The following CREB5 variants were observed in gnomAD, a reference collection of about 807,000 sequenced individuals.
CREB5 encodes cyclic AMP-responsive element-binding protein 5.
A neutral mutation model predicts 57.1 loss-of-function variants in CREB5; 19 were observed. The observed-to-expected ratio is 0.33, with a 90% CI of 0.23 to 0.49. The LOEUF is 0.49. CREB5 is among the 20% of genes least tolerant of loss of function. The pLI is 0.99. For missense variants in CREB5, 579 were observed against 671.6 expected, an observed-to-expected ratio of 0.86 and a Z score of 1.52; for synonymous variants, 238 against 238.3, an observed-to-expected ratio of 1.00 and a Z score of 0.01.
At chr7:28,401,355 C>G (rs1787458515) in intron 1 of CREB5, among the ~76,000 whole-genome samples, 1 of 151,634 alleles carries the variant, frequency 6.6e-6, no homozygotes, top group Non-Finnish European at 1.5e-5. Context: ...GTTCCCCAAG[C>G]TTAAACCAGG....
intron 5 of CREB5, among the ~76,000 whole-genome samples, chr7:28,658,971 A>ATATGTG (rs1562554679): frequency 1.4e-5 from 2 of 140,602 alleles, no homozygotes; most frequent in African/African-American, 5.1e-5. Context: ...ATATATATAT[A>ATATGTG]TATATATATG....
chr7:28,595,990 T>C (rs972781533), intron 5 of CREB5, among the ~76,000 whole-genome samples: 5 of 152,210 alleles, frequency 3.3e-5, no homozygotes, highest in Admixed American at 1.3e-4. Flanking sequence ...GTGCTTACCA[T>C]AGCACTCTAG....
Position 28,495,140 on chromosome 7 carries a change from A to T in CREB5, c.169+141A>T, listed in dbSNP as rs150955021. On this transcript the variant is annotated intron_variant, in intron 3 of 10. Coordinates refer to ENST00000357727, the MANE Select transcript of CREB5 (RefSeq NM_182898.4). Reference sequence around the variant, plus strand: ...ATTTCTAAGGTATAGCAGAAATATAATCAGGTAATATTCACCCAAGTGACT... The same window carrying T: ...ATTTCTAAGGTATAGCAGAAATATATTCAGGTAATATTCACCCAAGTGACT... The T allele has an allele frequency of 7.1e-4, 359 of 508,862 alleles. 1 individual carries two copies. Among genetic ancestry groups the T allele is most frequent in the South Asian group, 3.0e-3 (60 of 20,316 alleles). 31.5% of individuals were successfully genotyped at this position (508,862 alleles called of 1,614,324 possible).
At chr7:28,636,005 T>C (rs1798405239) in intron 5 of CREB5, among the ~76,000 whole-genome samples, 1 of 152,210 alleles carries the variant, frequency 6.6e-6, no homozygotes, top group East Asian at 1.9e-4. Context: ...AACCAATAAA[T>C]AGTTATTGAG....
chr7:28,493,435 C>T (rs1441631752), intron 2 of CREB5, among the ~76,000 whole-genome samples: 1 of 152,162 alleles, frequency 6.6e-6, no homozygotes, highest in Non-Finnish European at 1.5e-5. Context: ...TATTTCTATT[C>T]CCCAAGGATA....
At chr7:28,656,635 C>T (rs551054033) in intron 5 of CREB5, among the ~76,000 whole-genome samples, 1 of 152,184 alleles carries the variant, frequency 6.6e-6, no homozygotes, top group Non-Finnish European at 1.5e-5. Context: ...CAACAGTTGT[C>T]AGTCCAAGCT....
In CREB5 at chr7:28,476,282, C is replaced by T. The variant is rs1791065750; in HGVS notation, c.4-11893C>T. Among the ~76,000 whole-genome samples the T allele has an allele frequency of 2.0e-5, 3 of 152,196 alleles. No homozygotes were observed. In the South Asian group the frequency reaches 6.2e-4, roughly 31 times the overall value. On this transcript the variant is annotated intron_variant, in intron 1 of 10. Coordinates refer to ENST00000357727, the MANE Select transcript of CREB5 (RefSeq NM_182898.4). ...ATCAAGTCAGGATCTCTTTAAAGAACATTACCTTCAACATCCTTTGGAATC... is the reference window on the plus strand; with the variant it reads ...ATCAAGTCAGGATCTCTTTAAAGAATATTACCTTCAACATCCTTTGGAATC...
chr7:28,578,580 A>G (rs1225104673), intron 5 of CREB5, among the ~76,000 whole-genome samples: 1 of 152,216 alleles, frequency 6.6e-6, no homozygotes, highest in East Asian at 1.9e-4. Context: ...CATTTCAGAT[A>G]TTTGGAGCTT....
chr7:28,323,242 C>T (rs1785523468), intron 1 of CREB5, among the ~76,000 whole-genome samples: 1 of 152,206 alleles, frequency 6.6e-6, no homozygotes, highest in African/African-American at 2.4e-5. Context: ...GAGAAAAACC[C>T]ACAACTGTGC....
intron 5 of CREB5, among the ~76,000 whole-genome samples, chr7:28,666,216 A>G (rs1462746424): frequency 6.6e-6 from 1 of 152,194 alleles, no homozygotes; most frequent in Non-Finnish European, 1.5e-5. Flanking sequence ...CAGCAACACC[A>G]TTCAAGCTAC....
At chr7:28,373,191 A>C (rs927185364) in intron 1 of CREB5, among the ~76,000 whole-genome samples, 4 of 152,152 alleles carry the variant, frequency 2.6e-5, no homozygotes, top group Non-Finnish European at 5.9e-5. Flanking sequence ...GTCCCTCCTG[A>C]CTGGACATCA....
In CREB5 at chr7:28,755,191, C is replaced by G. The variant is rs191063866; in HGVS notation, c.702+30859C>G. On this transcript the variant is annotated intron_variant, in intron 7 of 10. Transcript: ENST00000357727. ...TAGAAGTTCAGGGAAGGACCTGCTA[C>G]TGGATCTGGAAGACTTGGAGAAAAT... Among the ~76,000 whole-genome samples, 38 of 152,274 alleles carry G rather than the reference C, an allele frequency of 2.5e-4. No homozygotes were observed. The East Asian group carries it at 6.2e-3, about 25-fold the overall frequency.
intron 1 of CREB5, among the ~76,000 whole-genome samples, chr7:28,347,781 A>C (rs544180546): frequency 2.0e-5 from 3 of 152,308 alleles, no homozygotes; most frequent in African/African-American, 7.2e-5. Flanking sequence ...GAAAAGATTC[A>C]GCTGTAGCAG....
chr7:28,710,171 T>G (rs986808826), intron 5 of CREB5, among the ~76,000 whole-genome samples: 1 of 152,202 alleles, frequency 6.6e-6, no homozygotes, highest in African/African-American at 2.4e-5. Context: ...ACATTACCTT[T>G]TATGCTTTTC....
intron 7 of CREB5, among the ~76,000 whole-genome samples, chr7:28,738,319 C>T (rs1475232175): frequency 6.6e-6 from 1 of 152,108 alleles, no homozygotes; most frequent in Admixed American, 6.6e-5. Context: ...TTCCCTTATG[C>T]TTTGCAAGTG....
chr7:28,537,959 C>T (rs216727), intron 4 of CREB5, among the ~76,000 whole-genome samples: 138,635 of 152,306 alleles, frequency 0.91, 63,272 homozygotes, highest in African/African-American at 0.97. Flanking sequence ...TCAAGGGAAA[C>T]GTCAATTACA....
In CREB5 at chr7:28,561,009, T is replaced by TGTGCGCGTGC. The variant is rs1562798521; in HGVS notation, c.292-9353_292-9352insCGCGTGCGTG. 4.1e-5 allele frequency among the ~76,000 whole-genome samples: 2 copies of TGTGCGCGTGC among 49,256 alleles called. 1 individual carries two copies. The highest frequency in any genetic ancestry group is 7.1e-5 in the Non-Finnish European group (2 of 28,072). The allele number at this position is 49,256 out of a possible 152,430, so 32.3% of individuals were successfully genotyped here. A position where few individuals can be genotyped will look rare whatever the true frequency, so the allele number is the denominator to read the frequency against. Reference sequence around the variant, plus strand: ...GCGTGTGTGTGCCTGCGTGTGCGTGTGTGTGTGCGTGTGTGCGTGTGTGTG... The same window carrying TGTGCGCGTGC: ...GCGTGTGTGTGCCTGCGTGTGCGTGTGTGCGCGTGCGTGTGTGCGTGTGTGCGTGTGTGTG... On this transcript the variant is annotated intron_variant, in intron 4 of 10. Transcript: ENST00000357727.
rs141204125 is a variant in CREB5, at chr7:28,308,781, C to T, written c.-25+9340C>T. Among the ~76,000 whole-genome samples the T allele has an allele frequency of 2.7e-3, 416 of 152,132 alleles. 2 individuals carry two copies. Among genetic ancestry groups the T allele is most frequent in the African/African-American group, 9.3e-3 (388 of 41,546 alleles). The stretch of plus-strand genomic sequence containing the variant: ...CCAGGTATAAGACCTTTTAGACTTC[C>T]GGTTTCGGCAATGAGTTGAGATCTT... On this transcript the variant is annotated intron_variant, in intron 1 of 9. Coordinates refer to the CREB5 transcript ENST00000396299.
At chr7:28,607,334 G>A (rs1030377007) in intron 5 of CREB5, among the ~76,000 whole-genome samples, 1 of 152,168 alleles carries the variant, frequency 6.6e-6, no homozygotes, top group Non-Finnish European at 1.5e-5. Context: ...GAAATAGGAA[G>A]AGGAAAGCTG....
Sources: allele counts gnomAD v4.1 joint callset (sites outside exome capture counted in the v4.1 genomes callset), GRCh38; gene constraint gnomAD v4.1.1; transcripts MANE v1.5; gene names NCBI Gene and HGNC (gene_info 2026-07-23, HGNC 2026-07-21).